Variants in SMAD6 observed in about 807,000 individuals in gnomAD.
SMAD6 encodes SMAD family member 6, also known as MAD homolog 6.
Under a neutral mutation model 39.4 loss-of-function variants are expected in SMAD6, and 103 were observed. That is an observed-to-expected ratio of 2.62 (90% CI 2.23 to 3.08). The LOEUF is 3.08. SMAD6 is among the 30% of genes most tolerant of loss of function. SMAD6 has a pLI of 0.00. For missense variants in SMAD6, 1,104 were observed against 742.9 expected, an observed-to-expected ratio of 1.49 and a Z score of -5.65; for synonymous variants, 445 against 353.3, an observed-to-expected ratio of 1.26 and a Z score of -2.91.
Position 66,703,321 on chromosome 15 carries a change from C to T in SMAD6, c.63C>T (p.Asp21=), listed in dbSNP as rs780992085. Residue 21 remains aspartate, a synonymous_variant, in exon 1 of 4, where the codon GAC becomes GAT. Coordinates refer to ENST00000288840, the MANE Select transcript of SMAD6 (RefSeq NM_005585.5). Reference sequence around the variant, plus strand: ...TTTGGCGAAGTCGTGTGGTCCCCGACCGGGAGGAAGGCGGCAGCGGCGGCG... The same window carrying T: ...TTTGGCGAAGTCGTGTGGTCCCCGATCGGGAGGAAGGCGGCAGCGGCGGCG... ...RRLWRSRVVP[D]REEGGSGGGG... is the part of the protein sequence containing the mutation. 8 of 1,487,212 alleles carry T rather than the reference C, an allele frequency of 5.4e-6. No individual in the cohort carries two copies. The highest frequency in any genetic ancestry group is 5.1e-5 in the South Asian group (4 of 77,936). 92.1% of individuals were successfully genotyped at this position (1,487,212 alleles called of 1,614,324 possible). A position where few individuals can be genotyped will look rare whatever the true frequency, so the allele number is the denominator to read the frequency against.
At chr15:66,724,122 T>C (rs928334303) in intron 3 of SMAD6, among the ~76,000 whole-genome samples, 9 of 151,964 alleles carry the variant, frequency 5.9e-5, no homozygotes, top group Non-Finnish European at 1.3e-4. Context: ...GATGGAGGAA[T>C]GGGGAAAGAT....
chr15:66,704,496 CTG>C (rs966910062), intron 1 of SMAD6: 13 of 162,738 alleles, frequency 8.0e-5, no homozygotes, highest in Admixed American at 3.9e-4. Flanking sequence ...CTTACCCACA[CTG>C]TGCTTTTCTA....
chr15:66,753,256 G>A (rs577992159), intron 3 of SMAD6, among the ~76,000 whole-genome samples: 97 of 152,336 alleles, frequency 6.4e-4, no homozygotes, highest in Non-Finnish European at 1.1e-3. Flanking sequence ...GAAAGGTGAT[G>A]GGTCCTGTAA....
intron 3 of SMAD6, chr15:66,717,443 T>G: frequency 2.2e-6 from 1 of 455,888 alleles, no homozygotes. Flanking sequence ...AGCCATGGGC[T>G]GTTTGTCTCC....
intron 3 of SMAD6, among the ~76,000 whole-genome samples, chr15:66,762,873 C>G (rs1894224495): frequency 6.6e-6 from 1 of 151,804 alleles, no homozygotes; most frequent in Non-Finnish European, 1.5e-5. Flanking sequence ...TTTTTGAAGC[C>G]CAAGGGGAAG....
chr15:66,730,054 G>A (rs545411582), intron 3 of SMAD6, among the ~76,000 whole-genome samples: 2 of 152,340 alleles, frequency 1.3e-5, no homozygotes, highest in Non-Finnish European at 1.5e-5. Flanking sequence ...CCAGCCCTCC[G>A]TCAGACCCTC....
intron 3 of SMAD6, among the ~76,000 whole-genome samples, chr15:66,774,983 C>G (rs1401102934): frequency 6.6e-6 from 1 of 152,084 alleles, no homozygotes; most frequent in Non-Finnish European, 1.5e-5. Flanking sequence ...GCCTCAGCCT[C>G]CCGAATAGTT....
rs930394324 is a variant in SMAD6, at chr15:66,702,969, G to C, written c.-290G>C. The C allele has an allele frequency of 5.4e-4, 158 of 291,376 alleles. No homozygotes were observed. The highest frequency in any genetic ancestry group is 8.2e-4 in the Non-Finnish European group (128 of 156,118). 18.0% of individuals were successfully genotyped at this position (291,376 alleles called of 1,614,324 possible). A position where few individuals can be genotyped will look rare whatever the true frequency, so the allele number is the denominator to read the frequency against. On this transcript the variant is annotated 5_prime_UTR_variant, in exon 1 of 4. Transcript: ENST00000288840. The stretch of plus-strand genomic sequence containing the variant: ...GCCGCCTGCAGCCCCCCTAAAGCGC[G>C]GGGGCTGGAGTTGTTGAGCAGCCCC...
chr15:66,754,995 G>T (rs1668116295), intron 3 of SMAD6, among the ~76,000 whole-genome samples: 1 of 152,174 alleles, frequency 6.6e-6, no homozygotes, highest in African/African-American at 2.4e-5. Context: ...CTGCTTATTT[G>T]CTGTGTGACC....
chr15:66,758,775 C>T (rs904031409), intron 3 of SMAD6, among the ~76,000 whole-genome samples: 1 of 151,584 alleles, frequency 6.6e-6, no homozygotes, highest in Admixed American at 6.6e-5. Context: ...TGTCTTTATG[C>T]ATCCAGCTAC....
At position 66,777,453 on chromosome 15, in the gene SMAD6, C is replaced by G. The variant is rs539438209; in HGVS notation, c.953-3544C>G. Among the ~76,000 whole-genome samples, 6 of 152,316 alleles carry G rather than the reference C, an allele frequency of 3.9e-5. No individual in the cohort carries two copies. The South Asian group carries it at 1.0e-3, about 26-fold the overall frequency. On this transcript the variant is annotated intron_variant, in intron 3 of 3. Coordinates refer to ENST00000288840, the MANE Select transcript of SMAD6 (RefSeq NM_005585.5). ...CTTGAGCCCAGGAGTTTAAGCCCAG[C>G]CTGGGCAACAAAGCAAGACCTCATC...
chr15:66,779,252 C>G (rs1351121941), intron 3 of SMAD6, among the ~76,000 whole-genome samples: 2 of 152,190 alleles, frequency 1.3e-5, no homozygotes, highest in Non-Finnish European at 2.9e-5. Flanking sequence ...TGCCCACTGG[C>G]TAAGGGGCAG....
At position 66,712,184 on chromosome 15, in the gene SMAD6, C is replaced by T. The variant is rs145918522; in HGVS notation, c.874+460C>T. Among the ~76,000 whole-genome samples, 1,174 of 152,204 alleles carry T rather than the reference C, an allele frequency of 7.7e-3. 7 individuals carry two copies. The highest frequency in any genetic ancestry group is 0.013 in the Non-Finnish European group (888 of 68,016). On this transcript the variant is annotated intron_variant, in intron 2 of 3. Coordinates refer to ENST00000288840, the MANE Select transcript of SMAD6 (RefSeq NM_005585.5). ...GCTGTACATTTTCCCCCTTTTTAAG[C>T]CAAGATGTTCACTTGAGCAGAAACA...
At position 66,703,204 on chromosome 15, in the gene SMAD6, A is replaced by T; in HGVS notation, c.-55A>T. The T allele has an allele frequency of 7.9e-7, 1 of 1,272,890 alleles. No individual in the cohort carries two copies. The highest frequency in any genetic ancestry group is 2.1e-5 in the South Asian group (1 of 47,380). The allele number at this position is 1,272,890 out of a possible 1,614,324, so 78.8% of individuals were successfully genotyped here. A position where few individuals can be genotyped will look rare whatever the true frequency, so the allele number is the denominator to read the frequency against. On this transcript the variant is annotated 5_prime_UTR_variant, in exon 1 of 4. Coordinates refer to ENST00000288840, the MANE Select transcript of SMAD6 (RefSeq NM_005585.5). ...AGCCGGCGCCTCGCTGAGGGAACGG[A>T]CCCCCGGTAACCGGAGACCGCCTCC... is the stretch of plus-strand genomic sequence containing the variant.
rs888326968 is a variant in SMAD6 at position 66,781,098 on chromosome 15, C to T, written c.1054C>T (p.Gln352Ter). 3.7e-6 allele frequency: 6 copies of T among 1,608,572 alleles called. No individual in the cohort carries two copies. Among genetic ancestry groups the T allele is most frequent in the Non-Finnish European group, 5.1e-6 (6 of 1,179,564 alleles). ...RVGRLYAVYD[Q>*]AVSIFYDLPQ... is the part of the protein sequence containing the mutation. ...GGGCCGCCTCTATGCGGTGTACGAC[C>T]AGGCCGTCAGCATCTTCTACGACCT... Residue 352 changes from glutamine (Q) to a stop codon, truncating the protein, a stop_gained, in exon 4 of 4, where the codon CAG becomes TAG. Coordinates refer to ENST00000288840, the MANE Select transcript of SMAD6 (RefSeq NM_005585.5). LOFTEE classifies it high-confidence loss of function.
intron 3 of SMAD6, among the ~76,000 whole-genome samples, chr15:66,765,206 C>T (rs1182848980): frequency 2.0e-5 from 3 of 152,168 alleles, no homozygotes; most frequent in East Asian, 1.9e-4. Flanking sequence ...AGAAGCAGCA[C>T]CTGCTGTGGC....
chr15:66,774,059 C>T (rs1894424404), intron 3 of SMAD6, among the ~76,000 whole-genome samples: 3 of 152,158 alleles, frequency 2.0e-5, no homozygotes, highest in Admixed American at 6.5e-5. Flanking sequence ...CCAGAGGACT[C>T]GGGCTGAGCC....
intron 3 of SMAD6, among the ~76,000 whole-genome samples, chr15:66,757,300 C>G (rs1894118297): frequency 1.3e-5 from 2 of 152,166 alleles, no homozygotes; most frequent in South Asian, 2.1e-4. Flanking sequence ...AGGAGTGAAC[C>G]TGGTGTCTAG....
intron 3 of SMAD6, among the ~76,000 whole-genome samples, chr15:66,746,351 G>A (rs1027370214): frequency 1.3e-5 from 2 of 152,166 alleles, no homozygotes; most frequent in Non-Finnish European, 2.9e-5. Flanking sequence ...CATGTGGGAC[G>A]TGTGGGCTGG....
Sources: allele counts gnomAD v4.1 joint callset (sites outside exome capture counted in the v4.1 genomes callset), GRCh38; gene constraint gnomAD v4.1.1; transcripts MANE v1.5; gene names NCBI Gene and HGNC (gene_info 2026-07-23, HGNC 2026-07-21).